The following SAXO5 variants were observed in gnomAD, a reference collection of about 807,000 sequenced individuals.
SAXO5 encodes stabilizer of axonemal microtubules 5.
chr19:7,498,657 A>C, the SAXO5 span, among the ~76,000 whole-genome samples: 1 of 152,056 alleles, frequency 6.6e-6, no homozygotes, highest in African/African-American at 2.4e-5. Context: ...GGCCTCCCAA[A>C]GTGCTGGGAT....
the SAXO5 span, chr19:7,507,013 C>T: frequency 5.9e-6 from 9 of 1,532,796 alleles, no homozygotes; most frequent in Admixed American, 1.7e-5. Context: ...AGCCCCGCCT[C>T]GGCCCACAGC....
the SAXO5 span, among the ~76,000 whole-genome samples, chr19:7,498,510 C>T: frequency 8.7e-4 from 132 of 151,316 alleles, no homozygotes; most frequent in African/African-American, 3.1e-3. Context: ...TATTCTCCTG[C>T]CTCAGCCTCT....
the SAXO5 span, chr19:7,505,926 C>G: frequency 1.3e-6 from 2 of 1,532,036 alleles, no homozygotes; most frequent in Non-Finnish European, 1.8e-6. Flanking sequence ...GGGGACCTCT[C>G]GGACGCCGGA....
the SAXO5 span, chr19:7,507,255 C>G: frequency 4.4e-6 from 4 of 906,742 alleles, 1 homozygote; most frequent in Admixed American, 8.4e-5. Context: ...CACCCAGGCT[C>G]GGGGGCATCT....
At chr19:7,508,442 G>T in the SAXO5 span, 1 of 1,601,698 alleles carries the variant, frequency 6.2e-7, no homozygotes, top group Admixed American at 1.7e-5. Context: ...TGCCATCTTG[G>T]CAACATTCCA....
the SAXO5 span, among the ~76,000 whole-genome samples, chr19:7,498,200 C>CACACACACA: frequency 6.7e-6 from 1 of 149,742 alleles, no homozygotes; most frequent in Non-Finnish European, 1.5e-5. Flanking sequence ...CACACACACA[C>CACACACACA]CCTTCATCCA....
chr19:7,500,970 C>T, the SAXO5 span: 1 of 1,552,590 alleles, frequency 6.4e-7, no homozygotes, highest in Non-Finnish European at 8.6e-7. Flanking sequence ...CTTTGCCTAC[C>T]CGGCTGCCAC....
At chr19:7,500,684 T>G in the SAXO5 span, 5 of 772,284 alleles carry the variant, frequency 6.5e-6, no homozygotes, top group Non-Finnish European at 7.6e-6. Context: ...GTCCCCAGCC[T>G]CCAGCTCAGT....
chr19:7,506,192 C>CATGGAGCCCCGCCCA, the SAXO5 span: 1 of 1,544,018 alleles, frequency 6.5e-7, no homozygotes, highest in South Asian at 1.2e-5. Flanking sequence ...AGCCCCGCCC[C>CATGGAGCCCCGCCCA]ATGGAGCCCC....
the SAXO5 span, chr19:7,501,067 C>A: frequency 1.3e-6 from 2 of 1,501,774 alleles, no homozygotes; most frequent in Non-Finnish European, 1.8e-6. Flanking sequence ...GTGTCGGAGG[C>A]GCACCGCGCG....
chr19:7,500,471 T>A, the SAXO5 span, among the ~76,000 whole-genome samples: 1 of 151,596 alleles, frequency 6.6e-6, no homozygotes, highest in Non-Finnish European at 1.5e-5. Flanking sequence ...CAGGCTAATT[T>A]TTTTTAAAAA....
chr19:7,501,287 C>G, the SAXO5 span: 1 of 1,573,490 alleles, frequency 6.4e-7, no homozygotes, highest in Non-Finnish European at 8.5e-7. Flanking sequence ...TCGACCGCGA[C>G]TCCCTGCCTC....
the SAXO5 span, chr19:7,505,926 C>T: frequency 5.2e-6 from 8 of 1,531,916 alleles, no homozygotes; most frequent in Non-Finnish European, 7.0e-6. Flanking sequence ...GGGGACCTCT[C>T]GGACGCCGGA....
the SAXO5 span, among the ~76,000 whole-genome samples, chr19:7,501,676 T>C: frequency 6.6e-6 from 1 of 151,300 alleles, no homozygotes; most frequent in Non-Finnish European, 1.5e-5. Context: ...CAAAAATTAG[T>C]AGGGCGCGGT....
chr19:7,506,751 T>G, the SAXO5 span: 3 of 378,880 alleles, frequency 7.9e-6, no homozygotes, highest in Admixed American at 4.2e-5. Flanking sequence ...TCTTTCCCAG[T>G]TCCTCCCTCT....
the SAXO5 span, chr19:7,506,633 G>A: frequency 5.7e-6 from 2 of 351,534 alleles, no homozygotes; most frequent in Non-Finnish European, 1.1e-5. Flanking sequence ...TTAGCCCTAT[G>A]CCCTAGCTCT....
At chr19:7,500,804 A>C in the SAXO5 span, 1 of 1,442,316 alleles carries the variant, frequency 6.9e-7, no homozygotes, top group East Asian at 2.8e-5. Context: ...ACCCTCTCGC[A>C]GGTGGCTGGT....
the SAXO5 span, chr19:7,503,972 G>T: frequency 1.8e-6 from 1 of 566,202 alleles, no homozygotes; most frequent in Non-Finnish European, 3.2e-6. Flanking sequence ...TTATCTTTTG[G>T]TGTTTGCCAG....
chr19:7,503,138 G>A, the SAXO5 span, among the ~76,000 whole-genome samples: 55 of 152,164 alleles, frequency 3.6e-4, no homozygotes, highest in Admixed American at 1.3e-3. Context: ...TGAGGCAGGC[G>A]GATCACTTGC....
Sources: gnomAD v4.1 joint callset for allele counts (sites outside exome capture counted in the v4.1 genomes callset) on GRCh38, gnomAD v4.1.1 for gene constraint, MANE v1.5 for transcripts, NCBI Gene and HGNC (gene_info 2026-07-23, HGNC 2026-07-21) for gene names.